The following PTGER3 variants were observed in gnomAD, a reference collection of about 807,000 sequenced individuals.
PTGER3 encodes prostaglandin E receptor 3, also known as prostaglandin E2 receptor EP3 subtype.
A neutral mutation model predicts 34.7 loss-of-function variants in PTGER3; 22 were observed. That is an observed-to-expected ratio of 0.63 (90% confidence interval 0.45 to 0.91). PTGER3 has a LOEUF of 0.91. Among genes scored for constraint, PTGER3 ranks in the 40% least tolerant of loss-of-function variants. The probability of loss-of-function intolerance (pLI) is 0.00; values close to 1 mark genes in which losing one functional copy is unlikely to be tolerated. For missense variants in PTGER3, 468 were observed against 519.4 expected (o/e 0.90, Z 0.96); for synonymous variants, 241 against 230.1 (o/e 1.05, Z -0.43).
intron 4 of PTGER3, among the ~76,000 whole-genome samples, chr1:70,901,610 GTACC>G (rs1353730701): frequency 1.3e-5 from 2 of 152,166 alleles, no homozygotes; most frequent in Non-Finnish European, 2.9e-5. Flanking sequence ...AGCAAAGGCA[GTACC>G]TACCTTCAAA....
rs1337480656 is a variant in PTGER3, at chr1:70,971,012, A to C, written c.*718T>G. On this transcript the variant is annotated 3_prime_UTR_variant, in exon 4 of 4. Coordinates refer to ENST00000306666, the MANE Select transcript of PTGER3 (RefSeq NM_198719.2). ...TGCGCAGCTAATCATTCAACCTCAAATTTGTTTTTTATGACACTCCAAGGA... is the reference window on the plus strand; with the variant it reads ...TGCGCAGCTAATCATTCAACCTCAACTTTGTTTTTTATGACACTCCAAGGA... The C allele has an allele frequency of 1.0e-6, 1 of 985,192 alleles. No homozygotes were observed. Among genetic ancestry groups the C allele is most frequent in the Non-Finnish European group, 1.2e-6 (1 of 829,900 alleles). 61.0% of individuals were successfully genotyped at this position (985,192 alleles called of 1,614,324 possible).
chr1:71,014,870 C>G (rs1233097527), intron 1 of PTGER3, among the ~76,000 whole-genome samples: 1 of 152,170 alleles, frequency 6.6e-6, no homozygotes, highest in African/African-American at 2.4e-5. Context: ...CTTCCAATCC[C>G]AGCTGTGATC....
At chr1:71,006,738 G>T in intron 2 of PTGER3, 1 of 985,196 alleles carries the variant, frequency 1.0e-6, no homozygotes, top group Non-Finnish European at 1.2e-6. Flanking sequence ...TGGGGCTGTT[G>T]CATTACATTG....
chr1:70,932,977 C>T (rs1266610360), intron 4 of PTGER3, among the ~76,000 whole-genome samples: 3 of 152,042 alleles, frequency 2.0e-5, no homozygotes, highest in African/African-American at 7.3e-5. Context: ...CAGGGGTTCT[C>T]TCAGTAACTA....
chr1:70,953,145 C>T (rs1650944408), intron 3 of PTGER3: 1 of 1,139,196 alleles, frequency 8.8e-7, no homozygotes, highest in African/African-American at 1.6e-5. Context: ...AAAGGTGATA[C>T]AGTATAATCA....
chr1:70,896,565 C>T (rs1024442328), intron 4 of PTGER3, among the ~76,000 whole-genome samples: 1 of 152,200 alleles, frequency 6.6e-6, no homozygotes, highest in South Asian at 2.1e-4. Flanking sequence ...TTCAGCCTCC[C>T]AGCTTGTGGT....
At chr1:70,989,318 T>C (rs1012284331) in intron 2 of PTGER3, among the ~76,000 whole-genome samples, 1 of 152,194 alleles carries the variant, frequency 6.6e-6, no homozygotes, top group Non-Finnish European at 1.5e-5. Context: ...AAAATAAATG[T>C]ATGTCAAAGT....
intron 4 of PTGER3, among the ~76,000 whole-genome samples, chr1:70,926,108 A>G (rs1648056894): frequency 6.6e-6 from 1 of 152,190 alleles, no homozygotes. Context: ...GAGACAATCC[A>G]TGTGAGAGAT....
chr1:70,962,518 A>T (rs1232965038), intron 2 of PTGER3, among the ~76,000 whole-genome samples: 1 of 152,174 alleles, frequency 6.6e-6, no homozygotes. Context: ...TCACAGTTCC[A>T]TATGTCTGGG....
intron 2 of PTGER3, among the ~76,000 whole-genome samples, chr1:70,986,390 G>T (rs1408483714): frequency 2.0e-5 from 3 of 152,062 alleles, no homozygotes; most frequent in Non-Finnish European, 4.4e-5. Context: ...ATCTGGATTG[G>T]GACCCCTTTC....
chr1:70,961,103 A>G (rs1005921113), intron 2 of PTGER3, among the ~76,000 whole-genome samples: 2 of 152,174 alleles, frequency 1.3e-5, no homozygotes, highest in South Asian at 2.1e-4. Flanking sequence ...GAACCACTGG[A>G]CTGTAACAAT....
At chr1:70,873,080 C>G (rs1342141067) in intron 4 of PTGER3, among the ~76,000 whole-genome samples, 1 of 152,008 alleles carries the variant, frequency 6.6e-6, no homozygotes, top group Non-Finnish European at 1.5e-5. Flanking sequence ...ATAGTCTTTT[C>G]AAGAAGTTCT....
At chr1:70,936,366 G>A (rs1649230627) in intron 4 of PTGER3, among the ~76,000 whole-genome samples, 1 of 152,000 alleles carries the variant, frequency 6.6e-6, no homozygotes, top group African/African-American at 2.4e-5. Flanking sequence ...GAGTAGTAGT[G>A]GCATGCAGAG....
intron 4 of PTGER3, among the ~76,000 whole-genome samples, chr1:70,896,723 C>T (rs946236837): frequency 4.6e-5 from 7 of 152,156 alleles, no homozygotes; most frequent in Non-Finnish European, 8.8e-5. Context: ...TGCAAGGTCC[C>T]ATCCAACCCT....
chr1:70,874,731 T>C (rs1646238775), intron 4 of PTGER3, among the ~76,000 whole-genome samples: 1 of 152,174 alleles, frequency 6.6e-6, no homozygotes, highest in African/African-American at 2.4e-5. Flanking sequence ...GTTTGTTCCC[T>C]TCCAGAACTG....
At chr1:70,943,712 G>A (rs1649959516) in intron 4 of PTGER3, among the ~76,000 whole-genome samples, 1 of 152,086 alleles carries the variant, frequency 6.6e-6, no homozygotes, top group Non-Finnish European at 1.5e-5. Context: ...AATTGAGAGT[G>A]AGGGAAACTA....
At chr1:70,862,253 T>TAAA in intron 4 of PTGER3, 3 of 948,474 alleles carry the variant, frequency 3.2e-6, no homozygotes, top group African/African-American at 3.5e-5. Flanking sequence ...ACATACTAAG[T>TAAA]AAAAAAAAAT....
chr1:71,005,711 G>T, intron 2 of PTGER3: 1 of 221,450 alleles, frequency 4.5e-6, no homozygotes, highest in Non-Finnish European at 7.6e-6. Context: ...TTTACTCAAG[G>T]CTAGTACTAG....
intron 1 of PTGER3, among the ~76,000 whole-genome samples, chr1:71,043,975 C>T (rs1557773185): frequency 6.6e-6 from 1 of 151,424 alleles, no homozygotes; most frequent in South Asian, 2.1e-4. Flanking sequence ...TGCCACCATG[C>T]CCCGCTAATT....
Sources: allele counts gnomAD v4.1 joint callset (sites outside exome capture counted in the v4.1 genomes callset), GRCh38; gene constraint gnomAD v4.1.1; transcripts MANE v1.5; gene names NCBI Gene and HGNC (gene_info 2026-07-23, HGNC 2026-07-21).